The following RPS6KA2 variants were observed in gnomAD, a reference collection of about 807,000 sequenced individuals.
The protein encoded by RPS6KA2 is ribosomal protein S6 kinase alpha-2.
A neutral mutation model predicts 91.8 loss-of-function variants in RPS6KA2; 42 were observed. That is an observed-to-expected ratio of 0.46 (90% confidence interval 0.36 to 0.59). The LOEUF (loss-of-function observed/expected upper bound fraction) is 0.59, where lower values mean the gene tolerates loss of function less well. Ranked by LOEUF, RPS6KA2 falls within the 20% of genes least tolerant of loss-of-function variation. The pLI is 0.00. For synonymous variants in RPS6KA2, 414 were observed against 393.6 expected (o/e 1.05, Z -0.61); for missense variants, 798 against 978.5 (o/e 0.82, Z 2.46).
intron 2 of RPS6KA2, among the ~76,000 whole-genome samples, chr6:166,836,829 G>A (rs554387768): frequency 6.6e-6 from 1 of 152,348 alleles, no homozygotes; most frequent in South Asian, 2.1e-4. Flanking sequence ...AGGCCGAGAT[G>A]ACTTTAAATT....
chr6:166,858,978 C>T (rs1780979726), intron 1 of RPS6KA2, among the ~76,000 whole-genome samples: 1 of 146,204 alleles, frequency 6.8e-6, no homozygotes, highest in South Asian at 2.4e-4. Context: ...CGGAAGAACA[C>T]CAGCCAGCCA....
intron 2 of RPS6KA2, among the ~76,000 whole-genome samples, chr6:166,796,772 G>A (rs1044567912): frequency 1.3e-5 from 2 of 151,850 alleles, no homozygotes; most frequent in East Asian, 1.9e-4. Flanking sequence ...CTGAGTGCAC[G>A]CACGTGGCAC....
chr6:166,431,360 G>T (rs908528457), intron 15 of RPS6KA2, among the ~76,000 whole-genome samples: 23 of 152,334 alleles, frequency 1.5e-4, no homozygotes, highest in Admixed American at 1.0e-3. Flanking sequence ...TAAAATGCAT[G>T]TTCTGGTCCT....
At chr6:166,581,393 G>A (rs954406874) in intron 1 of RPS6KA2, among the ~76,000 whole-genome samples, 9 of 152,094 alleles carry the variant, frequency 5.9e-5, no homozygotes, top group African/African-American at 1.7e-4. Context: ...ACCTGGATGC[G>A]CAGGTCAAAG....
intron 2 of RPS6KA2, among the ~76,000 whole-genome samples, chr6:166,703,253 T>G (rs971882325): frequency 2.0e-4 from 31 of 152,226 alleles, no homozygotes; most frequent in African/African-American, 7.2e-4. Flanking sequence ...TAAAACTCCC[T>G]TCCCAATTAT....
chr6:166,600,093 G>A (rs555535026), intron 1 of RPS6KA2, among the ~76,000 whole-genome samples: 5 of 151,956 alleles, frequency 3.3e-5, no homozygotes, highest in Non-Finnish European at 4.4e-5. Context: ...CTGCAGCCTC[G>A]AACTCTTGGG....
chr6:166,547,906 C>G (rs1203004958), intron 1 of RPS6KA2, among the ~76,000 whole-genome samples: 1 of 152,204 alleles, frequency 6.6e-6, no homozygotes, highest in African/African-American at 2.4e-5. Flanking sequence ...ATAGGCATAA[C>G]GTGCACACCT....
chr6:166,488,113 T>A (rs1161678296), intron 10 of RPS6KA2, among the ~76,000 whole-genome samples: 1 of 152,208 alleles, frequency 6.6e-6, no homozygotes, highest in East Asian at 1.9e-4. Flanking sequence ...ATTTAATGTG[T>A]TCCTTTCGTT....
intron 2 of RPS6KA2, among the ~76,000 whole-genome samples, chr6:166,756,216 G>C (rs577673784): frequency 5.9e-5 from 9 of 152,164 alleles, no homozygotes; most frequent in South Asian, 4.2e-4. Flanking sequence ...CGTGAACCCA[G>C]GAGGCAGAGC....
chr6:166,642,651 A>C (rs1787480282), intron 2 of RPS6KA2, among the ~76,000 whole-genome samples: 1 of 152,250 alleles, frequency 6.6e-6, no homozygotes, highest in Non-Finnish European at 1.5e-5. Context: ...TATAAATCCA[A>C]TGTGTAATTG....
intron 2 of RPS6KA2, among the ~76,000 whole-genome samples, chr6:166,779,711 G>A (rs75085681): frequency 0.024 from 3,682 of 152,170 alleles, 164 homozygotes; most frequent in African/African-American, 0.085. Flanking sequence ...GAGCAGATTC[G>A]GCTCAACTCA....
chr6:166,444,749 C>G (rs1310413716), intron 14 of RPS6KA2, among the ~76,000 whole-genome samples: 20 of 152,224 alleles, frequency 1.3e-4, no homozygotes, highest in Admixed American at 1.3e-3. Flanking sequence ...CCTGGGAATC[C>G]AGGTTGTCAT....
chr6:166,614,683 T>C (rs1410922149), intron 1 of RPS6KA2, among the ~76,000 whole-genome samples: 2 of 152,180 alleles, frequency 1.3e-5, no homozygotes, highest in Non-Finnish European at 2.9e-5. Context: ...TTGCTGGTGT[T>C]GGCAAGGCCG....
chr6:166,808,287 C>T (rs1039836077), intron 2 of RPS6KA2, among the ~76,000 whole-genome samples: 1 of 152,216 alleles, frequency 6.6e-6, no homozygotes, highest in African/African-American at 2.4e-5. Context: ...CTTGCCTTTT[C>T]TCCTTCTCAC....
intron 2 of RPS6KA2, among the ~76,000 whole-genome samples, chr6:166,763,620 G>A (rs1397539464): frequency 6.6e-6 from 1 of 152,212 alleles, no homozygotes; most frequent in Non-Finnish European, 1.5e-5. Flanking sequence ...TTTCCTTGGG[G>A]GAACAACCTT....
intron 3 of RPS6KA2, among the ~76,000 whole-genome samples, chr6:166,517,140 C>T (rs997340355): frequency 3.3e-5 from 5 of 151,984 alleles, no homozygotes; most frequent in Non-Finnish European, 5.9e-5. Flanking sequence ...ATATCTTACA[C>T]TAAAATAAAT....
chr6:166,600,134 A>G (rs192715289), intron 1 of RPS6KA2, among the ~76,000 whole-genome samples: 1 of 152,062 alleles, frequency 6.6e-6, no homozygotes, highest in East Asian at 1.9e-4. Context: ...CAGCTTCCCA[A>G]ATAGGTGCAC....
Position 166,663,262 on chromosome 6 carries a change from T to C in RPS6KA2, c.124-124478A>G, listed in dbSNP as rs541812196. ...TCCCAGAAGGCAAGGATGAAAATCTTCACTCAGGTCAGCTTTGCTCTACCC... is the reference window on the plus strand; with the variant it reads ...TCCCAGAAGGCAAGGATGAAAATCTCCACTCAGGTCAGCTTTGCTCTACCC... On this transcript the variant is annotated intron_variant, in intron 2 of 21. Coordinates refer to the RPS6KA2 transcript ENST00000503859. Among the ~76,000 whole-genome samples the C allele has an allele frequency of 1.9e-4, 29 of 152,308 alleles. No individual in the cohort carries two copies. In the South Asian group the frequency reaches 5.8e-3, roughly 30 times the overall value.
rs376184228 is a variant in RPS6KA2 at position 166,753,843 on chromosome 6, C to G, written c.123+104357G>C. On this transcript the variant is annotated intron_variant, in intron 2 of 21. Transcript: ENST00000503859. ...AATAATGAAGAAAACAGATCAAGAG[C>G]TCTGGGATCCTCTACAAGAAGATGC... 5.9e-5 allele frequency among the ~76,000 whole-genome samples: 9 copies of G among 152,308 alleles called. No individual in the cohort carries two copies. In the East Asian group the frequency reaches 1.7e-3, roughly 29 times the overall value.
Sources: allele counts gnomAD v4.1 joint callset (sites outside exome capture counted in the v4.1 genomes callset), GRCh38; gene constraint gnomAD v4.1.1; transcripts MANE v1.5; gene names NCBI Gene and HGNC (gene_info 2026-07-23, HGNC 2026-07-21).